The following MRTFB variants were observed in gnomAD, a reference collection of about 807,000 sequenced individuals.
MRTFB encodes myocardin-related transcription factor B.
A neutral mutation model predicts 104.2 loss-of-function variants in MRTFB; 29 were observed. That is an observed-to-expected ratio of 0.28 (90% confidence interval 0.21 to 0.38). MRTFB has a LOEUF of 0.38. Among genes scored for constraint, MRTFB ranks in the 10% least tolerant of loss-of-function variants. MRTFB has a pLI of 1.00. For missense variants in MRTFB, 1,270 were observed against 1,341.6 expected (o/e 0.95, Z 0.83); for synonymous variants, 535 against 519.5 (o/e 1.03, Z -0.41).
chr16:14,130,700 G>A (rs879884953), intron 2 of MRTFB, among the ~76,000 whole-genome samples: 1 of 152,100 alleles, frequency 6.6e-6, no homozygotes, highest in Non-Finnish European at 1.5e-5. Context: ...TACTGTATTA[G>A]TTCATTCTCA....
At chr16:14,004,377 C>T in the MRTFB span, among the ~76,000 whole-genome samples, 10 of 152,140 alleles carry the variant, frequency 6.6e-5, no homozygotes, top group African/African-American at 2.2e-4. Flanking sequence ...CAGAGGTCCA[C>T]GGGTGAAGCT....
At chr16:14,103,437 T>G (rs1487601413) in intron 2 of MRTFB, among the ~76,000 whole-genome samples, 1 of 152,222 alleles carries the variant, frequency 6.6e-6, no homozygotes, top group Non-Finnish European at 1.5e-5. Flanking sequence ...GTTTTTTCAC[T>G]AAGGAAATGT....
intron 8 of MRTFB, among the ~76,000 whole-genome samples, chr16:14,225,882 G>A (rs935901483): frequency 6.6e-6 from 1 of 152,174 alleles, no homozygotes; most frequent in Non-Finnish European, 1.5e-5. Flanking sequence ...CACTGGGGAA[G>A]TTTGATAGCA....
At chr16:14,198,020 C>T (rs1372391810) in intron 3 of MRTFB, among the ~76,000 whole-genome samples, 2 of 152,062 alleles carry the variant, frequency 1.3e-5, no homozygotes, top group African/African-American at 2.4e-5. Context: ...CTGGCAACCA[C>T]CAATCTGCAC....
Position 14,261,441 on chromosome 16 carries a change from C to G in MRTFB, c.3297C>G (p.Asp1099Glu). The change falls in exon 17 of 17, where the codon GAC becomes GAG. Residue 1099 changes from aspartate (D) to glutamate (E), a missense_variant. Around this residue, in one of 3 missense-constraint regions of MRTFB, gnomAD observed 1,144 missense variants for 1,131.5 expected, o/e 1.01. Transcript: ENST00000571589. ...CACAGGACCTACCGCTGCCATGGGA[C>G]TAACGTCACAGATTTCTTTTCTGAG... The part of the protein sequence containing the change: ...LDPQDLPLPW[D>E] 1 of 1,584,016 alleles carries G rather than the reference C, an allele frequency of 6.3e-7. No individual in the cohort carries two copies. Among genetic ancestry groups the G allele is most frequent in the Non-Finnish European group, 8.6e-7 (1 of 1,161,996 alleles).
the MRTFB span, among the ~76,000 whole-genome samples, chr16:14,005,646 A>G: frequency 2.0e-5 from 3 of 152,186 alleles, no homozygotes; most frequent in Admixed American, 2.0e-4. Context: ...TTTCTGCAGA[A>G]CACCAACTAT....
the MRTFB span, among the ~76,000 whole-genome samples, chr16:14,063,515 C>A: frequency 6.6e-6 from 1 of 152,144 alleles, no homozygotes; most frequent in South Asian, 2.1e-4. Flanking sequence ...CCGACTCAAC[C>A]CTCAAATAAA....
intron 2 of MRTFB, among the ~76,000 whole-genome samples, chr16:14,092,486 C>G (rs889212395): frequency 6.6e-6 from 1 of 152,224 alleles, no homozygotes; most frequent in South Asian, 2.1e-4. Flanking sequence ...TTGTCTAGAC[C>G]TGTGATTTTT....
intron 3 of MRTFB, among the ~76,000 whole-genome samples, chr16:14,163,653 G>A (rs2039123270): frequency 1.3e-5 from 2 of 152,014 alleles, no homozygotes; most frequent in Admixed American, 6.6e-5. Context: ...CCAACATGAT[G>A]AAACCCCATC....
chr16:14,022,595 C>T, the MRTFB span, among the ~76,000 whole-genome samples: 1 of 152,104 alleles, frequency 6.6e-6, no homozygotes, highest in East Asian at 1.9e-4. Context: ...CAGGGTTTCA[C>T]CATGTTGGCC....
In MRTFB at chr16:14,261,121, G is replaced by A; in HGVS notation, c.2977G>A (p.Ala993Thr). 1 of 1,614,176 alleles carries A rather than the reference G, an allele frequency of 6.2e-7. No individual in the cohort carries two copies. The highest frequency in any genetic ancestry group is 1.1e-5 in the South Asian group (1 of 91,072). The change falls in exon 17 of 17, where the codon GCC becomes ACC. Residue 993 changes from alanine to threonine, a missense_variant. This residue lies in a region of MRTFB where 1,144 missense variants were observed against 1,131.5 expected (regional missense o/e 1.01). Coordinates refer to ENST00000571589, the MANE Select transcript of MRTFB (RefSeq NM_001308142.2). Reference sequence around the variant, plus strand: ...TTTCTTGGATGGAACTTTACCCTCAGCCAATGAAATTCCTCCACTACAAAG... The same window carrying A: ...TTTCTTGGATGGAACTTTACCCTCAACCAATGAAATTCCTCCACTACAAAG... ...EAFLDGTLPS[A>T]NEIPPLQSSS...
chr16:14,000,196 G>A, the MRTFB span, among the ~76,000 whole-genome samples: 10 of 152,186 alleles, frequency 6.6e-5, no homozygotes, highest in African/African-American at 2.4e-4. Context: ...AGCAGCACTC[G>A]CTTCTCTGGC....
At chr16:14,077,204 C>T (rs2034117148) in intron 1 of MRTFB, among the ~76,000 whole-genome samples, 1 of 152,110 alleles carries the variant, frequency 6.6e-6, no homozygotes, top group Admixed American at 6.5e-5. Context: ...GGAATCTGCC[C>T]GTGTTTTCTT....
intron 3 of MRTFB, chr16:14,201,079 C>T: frequency 7.0e-7 from 1 of 1,437,812 alleles, no homozygotes; most frequent in Non-Finnish European, 9.3e-7. Context: ...GGAGTGTTGG[C>T]TTTGTTTTTC....
chr16:14,075,026 GT>G (rs1419916844), intron 1 of MRTFB, among the ~76,000 whole-genome samples: 3 of 152,134 alleles, frequency 2.0e-5, no homozygotes, highest in Non-Finnish European at 2.9e-5. Context: ...TTTTTTGTTT[GT>G]TTCCATTCTG....
chr16:14,174,325 T>A (rs2039514729), intron 3 of MRTFB, among the ~76,000 whole-genome samples: 1 of 152,216 alleles, frequency 6.6e-6, no homozygotes. Context: ...GGTTGCTGTG[T>A]GTTGTTTTGT....
chr16:14,256,818 T>G (rs4781591), intron 15 of MRTFB, among the ~76,000 whole-genome samples: 3,667 of 152,362 alleles, frequency 0.024, 66 homozygotes, highest in Middle Eastern at 0.082. Context: ...AGGTAACTAA[T>G]GCATGTATCT....
intron 9 of MRTFB, among the ~76,000 whole-genome samples, chr16:14,239,144 CT>C (rs1350550060): frequency 2.0e-5 from 3 of 152,140 alleles, no homozygotes; most frequent in African/African-American, 7.2e-5. Context: ...CAGAATCATT[CT>C]TTTATACCAG....
chr16:14,135,302 A>G (rs900823528), intron 2 of MRTFB, among the ~76,000 whole-genome samples: 8 of 152,240 alleles, frequency 5.3e-5, no homozygotes, highest in African/African-American at 1.7e-4. Flanking sequence ...TGTCTCTTCA[A>G]TAGTACAATC....
Sources: allele counts gnomAD v4.1 joint callset (sites outside exome capture counted in the v4.1 genomes callset), GRCh38; gene constraint gnomAD v4.1.1; regional missense constraint gnomAD v4.1.1; transcripts MANE v1.5; gene names NCBI Gene and HGNC (gene_info 2026-07-23, HGNC 2026-07-21).